DNAH9: variants seen among roughly 807,000 people sequenced by gnomAD.
DNAH9 encodes the protein dynein axonemal heavy chain 9.
Under a neutral mutation model 471.6 loss-of-function variants are expected in DNAH9, and 345 were observed. The ratio of observed to expected loss-of-function variants is 0.73; its 90% confidence interval spans 0.67 to 0.80. DNAH9 has a LOEUF of 0.80. DNAH9 is among the 30% of genes least tolerant of loss of function. DNAH9 has a pLI of 0.00. For missense variants in DNAH9, 5,407 were observed against 5,609.2 expected, an observed-to-expected ratio of 0.96 and a Z score of 1.15; for synonymous variants, 2,093 against 2,123.6, an observed-to-expected ratio of 0.99 and a Z score of 0.40.
intron 48 of DNAH9, among the ~76,000 whole-genome samples, chr17:11,829,731 C>T (rs1970623458): frequency 6.6e-6 from 1 of 152,168 alleles, no homozygotes; most frequent in Admixed American, 6.5e-5. Context: ...CCTGGGCCTT[C>T]CAAAGTGCTG....
intron 14 of DNAH9, among the ~76,000 whole-genome samples, chr17:11,663,546 GT>G (rs1263973445): frequency 1.3e-5 from 2 of 152,198 alleles, no homozygotes; most frequent in Non-Finnish European, 2.9e-5. Flanking sequence ...TCAGTTCTGT[GT>G]TTGTTTGCAG....
chr17:11,756,709 A>G (rs1967408134), intron 34 of DNAH9, 33 bp downstream of exon 34: 2 of 1,370,616 alleles, frequency 1.5e-6, no homozygotes, highest in East Asian at 2.3e-5. Flanking sequence ...CCACAAAGCT[A>G]CTCCACTTAG....
At chr17:11,807,654 C>G in intron 43 of DNAH9, 78 bp from the exon 44 acceptor site, 1 of 1,481,530 alleles carries the variant, frequency 6.7e-7, no homozygotes, top group Non-Finnish European at 9.2e-7. Flanking sequence ...GGCCCCTGCT[C>G]CCACTCAAGC....
chr17:11,707,368 A>G (rs72810872), intron 26 of DNAH9, among the ~76,000 whole-genome samples: 17,057 of 152,166 alleles, frequency 0.11, 1,240 homozygotes, highest in Middle Eastern at 0.17. Context: ...CAAATCCTCA[A>G]ATATATTTCC....
rs192092957 is a variant in DNAH9, at chr17:11,819,224, A to T, written c.8708-2696A>T. ...ACAATTTGGACAATTGTTTTTATAT[A>T]GTGATCTAATTATATATTTAGAAAT... On this transcript the variant is annotated intron_variant, in intron 45 of 68. Coordinates refer to ENST00000262442, the MANE Select transcript of DNAH9 (RefSeq NM_001372.4). Among the ~76,000 whole-genome samples, 292 of 152,210 alleles carry T rather than the reference A, an allele frequency of 1.9e-3. 1 individual carries two copies. The highest frequency in any genetic ancestry group is 3.4e-3 in the Admixed American group (52 of 15,292).
chr17:11,657,017 C>G (rs982860783), intron 14 of DNAH9, among the ~76,000 whole-genome samples: 3 of 152,082 alleles, frequency 2.0e-5, no homozygotes, highest in Non-Finnish European at 4.4e-5. Context: ...TAGTTTCAGA[C>G]TATTATAAAT....
Position 11,937,556 on chromosome 17 carries a change from G to A in DNAH9, c.12660+34G>A, listed in dbSNP as rs369367340. Reference sequence around the variant, plus strand: ...GGTGGGGACTGCCTGAGGTCGTTCTGGGGGACCCCGAGGATCATAGATGCA... The same window carrying A: ...GGTGGGGACTGCCTGAGGTCGTTCTAGGGGACCCCGAGGATCATAGATGCA... On this transcript the variant is annotated intron_variant, in intron 66 of 68. Coordinates refer to ENST00000262442, the MANE Select transcript of DNAH9 (RefSeq NM_001372.4). This position sits in a 1 kb window ranked among gnomAD's most constrained non-coding sequence, Gnocchi z 4.1. The A allele has an allele frequency of 6.3e-6, 10 of 1,575,792 alleles. No individual in the cohort carries two copies. The highest frequency in any genetic ancestry group is 8.6e-6 in the Non-Finnish European group (10 of 1,157,798).
chr17:11,745,540 C>T (rs564017648), intron 31 of DNAH9, among the ~76,000 whole-genome samples: 1 of 152,234 alleles, frequency 6.6e-6, no homozygotes, highest in East Asian at 1.9e-4. Flanking sequence ...TTGAGGCTTA[C>T]CAGATATTGA....
At chr17:11,753,887 T>C (rs771478485) in intron 33 of DNAH9, among the ~76,000 whole-genome samples, 3 of 152,198 alleles carry the variant, frequency 2.0e-5, no homozygotes, top group Non-Finnish European at 4.4e-5. Flanking sequence ...TCACAGGGGT[T>C]TGTTGTACAC....
At chr17:11,709,619 G>A (rs1029294961) in intron 26 of DNAH9, among the ~76,000 whole-genome samples, 2 of 152,180 alleles carry the variant, frequency 1.3e-5, no homozygotes, top group African/African-American at 2.4e-5. Flanking sequence ...GCCTGGATGG[G>A]ACTTGAATAT....
rs137893302 is a variant in DNAH9, at chr17:11,767,721, C to T, written c.7171-732C>T. 7.2e-5 allele frequency among the ~76,000 whole-genome samples: 11 copies of T among 151,808 alleles called. No individual in the cohort carries two copies. In the East Asian group the frequency reaches 2.1e-3, roughly 29 times the overall value. On this transcript the variant is annotated intron_variant, in intron 36 of 68. Transcript: ENST00000262442. Reference sequence around the variant, plus strand: ...CTGAGTGTGTGTGTGTGTGTTTGGACACAATAAGATGGTTTGAGTACACTG... The same window carrying T: ...CTGAGTGTGTGTGTGTGTGTTTGGATACAATAAGATGGTTTGAGTACACTG...
At chr17:11,855,656 C>T (rs1014987843) in intron 50 of DNAH9, among the ~76,000 whole-genome samples, 1 of 152,166 alleles carries the variant, frequency 6.6e-6, no homozygotes, top group Admixed American at 6.5e-5. Context: ...AATCACATTA[C>T]CTTAAGGCTC....
chr17:11,770,446 G>GT (rs59098649), intron 38 of DNAH9, among the ~76,000 whole-genome samples: 1,687 of 152,154 alleles, frequency 0.011, 31 homozygotes, highest in African/African-American at 0.039. Flanking sequence ...AATGCTGATG[G>GT]GGGGGAGCAC....
chr17:11,656,503 A>G (rs2073652541), intron 14 of DNAH9, among the ~76,000 whole-genome samples: 1 of 152,198 alleles, frequency 6.6e-6, no homozygotes, highest in South Asian at 2.1e-4. Context: ...CTATGATATC[A>G]TGCGTAACGT....
chr17:11,894,106 T>C (rs1444137607), intron 58 of DNAH9, among the ~76,000 whole-genome samples: 2 of 152,184 alleles, frequency 1.3e-5, no homozygotes, highest in African/African-American at 4.8e-5. Context: ...GCATTTATGA[T>C]TGATATGTAA....
At chr17:11,600,127 G>C (rs1185035965) in intron 1 of DNAH9, among the ~76,000 whole-genome samples, 1 of 152,150 alleles carries the variant, frequency 6.6e-6, no homozygotes, top group African/African-American at 2.4e-5. Flanking sequence ...CTTAGATATG[G>C]AGGTATTTCA....
At chr17:11,712,034 T>TTA (rs1198514092) in intron 26 of DNAH9, among the ~76,000 whole-genome samples, 27 of 2,662 alleles carry the variant, frequency 0.01, 9 homozygotes, top group Non-Finnish European at 0.074. Context: ...ATATATATAT[T>TTA]TATATATATT....
At chr17:11,882,385 AATTCAATCCACAGCAG>A (rs1972757151) in intron 55 of DNAH9, among the ~76,000 whole-genome samples, 1 of 152,194 alleles carries the variant, frequency 6.6e-6, no homozygotes, top group South Asian at 2.1e-4. Context: ...AGGACAACAC[AATTCAATCCACAGCAG>A]ATAACGTGCT....
intron 43 of DNAH9, among the ~76,000 whole-genome samples, chr17:11,803,254 T>A (rs947317097): frequency 3.3e-5 from 5 of 152,230 alleles, no homozygotes; most frequent in Non-Finnish European, 7.3e-5. Flanking sequence ...TTTTTCTGTC[T>A]CTTTGTTTTT....
Sources: gnomAD v4.1 joint callset for allele counts (sites outside exome capture counted in the v4.1 genomes callset) on GRCh38, gnomAD v4.1.1 for gene constraint, Gnocchi (gnomAD v3.1) non-coding constraint, MANE v1.5 for transcripts, NCBI Gene and HGNC (gene_info 2026-07-23, HGNC 2026-07-21) for gene names.